Variants in KLHL1 observed in about 807,000 individuals in gnomAD.
KLHL1 encodes kelch like family member 1.
In KLHL1, 47 loss-of-function variants were observed where a neutral mutation model predicts 77.7. The ratio of observed to expected loss-of-function variants is 0.60; its 90% CI spans 0.48 to 0.77. The LOEUF is 0.77. KLHL1 is among the 30% of genes least tolerant of loss of function. KLHL1 has a pLI of 0.00. For synonymous variants in KLHL1, 360 were observed against 325.2 expected (o/e 1.11, Z -1.15); for missense variants, 925 against 910.8 (o/e 1.02, Z -0.20).
intron 4 of KLHL1, among the ~76,000 whole-genome samples, chr13:69,938,074 G>A (rs1007299665): frequency 3.9e-5 from 6 of 152,080 alleles, no homozygotes; most frequent in Non-Finnish European, 8.8e-5. Flanking sequence ...AGCACAGATT[G>A]GGTAGATTAG....
At chr13:70,018,638 G>T (rs1177743323) in intron 1 of KLHL1, among the ~76,000 whole-genome samples, 2 of 152,218 alleles carry the variant, frequency 1.3e-5, no homozygotes, top group Non-Finnish European at 2.9e-5. Flanking sequence ...ACTTAGTGCA[G>T]TTGTTAAAAC....
At chr13:70,081,635 C>G (rs986660763) in intron 1 of KLHL1, among the ~76,000 whole-genome samples, 2 of 152,142 alleles carry the variant, frequency 1.3e-5, no homozygotes, top group Non-Finnish European at 2.9e-5. Context: ...GAGAGACACT[C>G]TCTCTATTAA....
intron 1 of KLHL1, among the ~76,000 whole-genome samples, chr13:69,984,060 A>C (rs1747717924): frequency 6.6e-6 from 1 of 152,148 alleles, no homozygotes; most frequent in Admixed American, 6.6e-5. Flanking sequence ...TATTAGAGGT[A>C]AACATAGGGA....
chr13:69,849,104 T>A (rs1879585415), intron 5 of KLHL1, among the ~76,000 whole-genome samples: 1 of 151,496 alleles, frequency 6.6e-6, no homozygotes, highest in Non-Finnish European at 1.5e-5. Context: ...ATTCCTTCCT[T>A]CATTCATTCA....
intron 5 of KLHL1, among the ~76,000 whole-genome samples, chr13:69,880,713 C>T (rs995236949): frequency 1.4e-4 from 22 of 152,022 alleles, no homozygotes; most frequent in African/African-American, 2.4e-4. Flanking sequence ...GAGTTGGAAA[C>T]GAGGGCATAA....
intron 1 of KLHL1, among the ~76,000 whole-genome samples, chr13:69,984,425 C>T (rs1254979499): frequency 1.3e-5 from 2 of 152,074 alleles, no homozygotes; most frequent in South Asian, 2.1e-4. Context: ...TTGCCAACCA[C>T]GTGTACAGTA....
chr13:69,837,642 ATG>A (rs1299211389), intron 6 of KLHL1, among the ~76,000 whole-genome samples: 17 of 135,216 alleles, frequency 1.3e-4, no homozygotes, highest in African/African-American at 5.2e-4. Context: ...ATATATATAT[ATG>A]TGTATATATA....
chr13:69,786,457 C>G (rs917763838), intron 7 of KLHL1, among the ~76,000 whole-genome samples: 32 of 152,114 alleles, frequency 2.1e-4, no homozygotes, highest in African/African-American at 2.4e-5. Flanking sequence ...AATTCAACAA[C>G]CCTTCATGCT....
At chr13:69,977,136 T>C (rs1263746673) in intron 1 of KLHL1, among the ~76,000 whole-genome samples, 1 of 152,038 alleles carries the variant, frequency 6.6e-6, no homozygotes, top group Non-Finnish European at 1.5e-5. Context: ...TGATTTCTTA[T>C]ACACAATGCC....
intron 7 of KLHL1, among the ~76,000 whole-genome samples, chr13:69,740,919 A>G (rs1382440027): frequency 6.6e-6 from 1 of 152,104 alleles, no homozygotes. Flanking sequence ...CATATGAAGA[A>G]ACAGATACTA....
intron 1 of KLHL1, among the ~76,000 whole-genome samples, chr13:70,018,639 T>TTAACACTTAG (rs1378288822): frequency 1.3e-5 from 2 of 151,938 alleles, no homozygotes; most frequent in Non-Finnish European, 2.9e-5. Flanking sequence ...CTTAGTGCAG[T>TTAACACTTAG]TGTTAAAACG....
At chr13:69,928,535 C>T (rs904455067) in intron 4 of KLHL1, among the ~76,000 whole-genome samples, 2 of 152,134 alleles carry the variant, frequency 1.3e-5, no homozygotes, top group African/African-American at 4.8e-5. Flanking sequence ...TGTCCATCAA[C>T]CGATGAATGG....
At chr13:69,792,673 TA>T (rs1168292765) in intron 7 of KLHL1, among the ~76,000 whole-genome samples, 1 of 152,156 alleles carries the variant, frequency 6.6e-6, no homozygotes, top group Non-Finnish European at 1.5e-5. Flanking sequence ...ACAAATGTGG[TA>T]AAGCTTAATA....
chr13:69,782,765 A>C (rs1188861167), intron 7 of KLHL1, among the ~76,000 whole-genome samples: 3 of 152,226 alleles, frequency 2.0e-5, no homozygotes, highest in African/African-American at 4.8e-5. Flanking sequence ...AGACAGCAGT[A>C]ACCTCTACAG....
Position 69,855,622 on chromosome 13 carries a change from T to C in KLHL1, c.1228-16460A>G, listed in dbSNP as rs113705983. ...TGATGATTTTATAAGGGGCTCTCCCTGCTACACTCAGCAATTTTCCTTCCT... is the reference window on the plus strand; with the variant it reads ...TGATGATTTTATAAGGGGCTCTCCCCGCTACACTCAGCAATTTTCCTTCCT... On this transcript the variant is annotated intron_variant, in intron 5 of 10. Transcript: ENST00000377844. Among the ~76,000 whole-genome samples the C allele has an allele frequency of 4.5e-3, 684 of 151,698 alleles. 11 individuals are homozygous for C. Among genetic ancestry groups the C allele is most frequent in the African/African-American group, 0.016 (655 of 41,434 alleles).
At position 69,837,705 on chromosome 13, in the gene KLHL1, T is replaced by C. The variant is rs142316249; in HGVS notation, c.1414+1271A>G. On this transcript the variant is annotated intron_variant, in intron 6 of 10. Transcript: ENST00000377844. ...ATATATATACACATATATATATAGATCTCATATTTTTTGAAGTAAACATCA... is the reference window on the plus strand; with the variant it reads ...ATATATATACACATATATATATAGACCTCATATTTTTTGAAGTAAACATCA... Among the ~76,000 whole-genome samples the C allele has an allele frequency of 7.5e-3, 1,094 of 146,492 alleles. 42 individuals are homozygous for C. The highest frequency in any genetic ancestry group is 0.025 in the African/African-American group (1,002 of 39,296).
At chr13:70,073,495 CAT>C (rs1887185585) in intron 1 of KLHL1, among the ~76,000 whole-genome samples, 1 of 151,920 alleles carries the variant, frequency 6.6e-6, no homozygotes, top group South Asian at 2.1e-4. Flanking sequence ...AAACATGTCA[CAT>C]GTGTACATAT....
intron 7 of KLHL1, among the ~76,000 whole-genome samples, chr13:69,751,714 CTAATA>C (rs1459720741): frequency 3.3e-5 from 5 of 152,112 alleles, no homozygotes; most frequent in African/African-American, 1.2e-4. Flanking sequence ...TGTGAAGTTA[CTAATA>C]TGTTTTAAAC....
chr13:69,932,591 A>G (rs1382011815), intron 4 of KLHL1, among the ~76,000 whole-genome samples: 2 of 151,910 alleles, frequency 1.3e-5, no homozygotes, highest in African/African-American at 4.8e-5. Context: ...TTTGTTAGTT[A>G]TATTGTTGCC....
Sources: gnomAD v4.1 joint callset for allele counts (sites outside exome capture counted in the v4.1 genomes callset) on GRCh38, gnomAD v4.1.1 for gene constraint, MANE v1.5 for transcripts, NCBI Gene and HGNC (gene_info 2026-07-23, HGNC 2026-07-21) for gene names.